EXOSC5: variants seen among roughly 807,000 people sequenced by gnomAD.
EXOSC5 encodes the protein exosome complex component RRP46.
A neutral mutation model predicts 23.7 loss-of-function variants in EXOSC5; 15 were observed. The ratio of observed to expected loss-of-function variants is 0.63; its 90% CI spans 0.42 to 0.97. EXOSC5 has a LOEUF of 0.97. EXOSC5 is among the 50% of genes least tolerant of loss of function. EXOSC5 has a pLI of 0.00. For synonymous variants in EXOSC5, 143 were observed against 140.9 expected, an observed-to-expected ratio of 1.02 and a Z score of -0.11; for missense variants, 305 against 316.3, an observed-to-expected ratio of 0.96 and a Z score of 0.27.
Position 41,397,209 on chromosome 19 carries a change from C to T in EXOSC5, c.120G>A (p.Arg40=), listed in dbSNP as rs942399276. The T allele has an allele frequency of 1.2e-6, 2 of 1,614,078 alleles. No individual in the cohort carries two copies. The highest frequency in any genetic ancestry group is 2.2e-5 in the East Asian group (1 of 44,880). The part of the protein sequence containing the change: ...HFACEQNLLS[R]PDGSASFLQG... ...GCAGGAAGGAAGCAGAGCCATCTGG[C>T]CGCGACAGCAGGTTCTGTTCGCAGG... Residue 40 remains arginine (R), a synonymous_variant, in exon 1 of 6, where the codon CGG becomes CGA. Coordinates refer to ENST00000221233, the MANE Select transcript of EXOSC5 (RefSeq NM_020158.4).
At chr19:41,395,458 C>T (rs2039055144) in intron 1 of EXOSC5, among the ~76,000 whole-genome samples, 1 of 152,222 alleles carries the variant, frequency 6.6e-6, no homozygotes, top group Non-Finnish European at 1.5e-5. Flanking sequence ...CCCCACTTAT[C>T]TGATCCTCTT....
rs2039064971 is a variant in EXOSC5 at position 41,396,430 on chromosome 19, G to A, written c.148+751C>T. Among the ~76,000 whole-genome samples the A allele has an allele frequency of 2.0e-5, 3 of 152,164 alleles. No homozygotes were observed. In the South Asian group the frequency reaches 6.2e-4, roughly 32 times the overall value. ...TCGCCATGTTGGCCAGGCTGGTCTC[G>A]AACTCCTGACCTCAGGTGAGCCACA... On this transcript the variant is annotated intron_variant, in intron 1 of 5. Coordinates refer to ENST00000221233, the MANE Select transcript of EXOSC5 (RefSeq NM_020158.4).
chr19:41,391,918 C>G lies in EXOSC5; in HGVS notation c.307G>C (p.Glu103Gln). Residue 103 changes from glutamate to glutamine, a missense_variant, in exon 3 of 6, where the codon GAG becomes CAG. Coordinates refer to ENST00000221233, the MANE Select transcript of EXOSC5 (RefSeq NM_020158.4). ...TGCAACGTGCCCAGCACCACCGCCT[C>G]GCACGTGTTCCTGATCAGCCGCTCC... The part of the protein sequence containing the change: ...SRERLIRNTC[E>Q]AVVLGTLHPR... 1 of 1,576,986 alleles carries G rather than the reference C, an allele frequency of 6.3e-7. No individual in the cohort carries two copies. Among genetic ancestry groups the G allele is most frequent in the Non-Finnish European group, 8.6e-7 (1 of 1,165,552 alleles).
chr19:41,391,193 C>T (rs1426515842), intron 3 of EXOSC5, among the ~76,000 whole-genome samples: 5 of 152,118 alleles, frequency 3.3e-5, no homozygotes, highest in African/African-American at 9.7e-5. Flanking sequence ...AGCAAAACCC[C>T]GTCTCTACTA....
rs377108451 is a variant in EXOSC5 at position 41,389,794 on chromosome 19, C to T, written c.496G>A (p.Val166Met). The change falls in exon 4 of 6, where the codon GTG (valine) becomes ATG (methionine). Residue 166 changes from valine (V) to methionine (M), a missense_variant. Val to Met is a conservative substitution (Grantham distance 21). Coordinates refer to ENST00000221233, the MANE Select transcript of EXOSC5 (RefSeq NM_020158.4). ...ACALDSDGTL[V>M]LDPTSKQEKE... Reference sequence around the variant, plus strand: ...TCTTGCTTGGATGTAGGATCCAGCACGAGGGTCCCATCAGAGTCCAGGGCG... The same window carrying T: ...TCTTGCTTGGATGTAGGATCCAGCATGAGGGTCCCATCAGAGTCCAGGGCG... The T allele has an allele frequency of 3.7e-5, 60 of 1,613,946 alleles. No homozygotes were observed. The highest frequency in any genetic ancestry group is 3.3e-4 in the Middle Eastern group (2 of 6,084).
chr19:41,395,758 C>T (rs1193423410), intron 1 of EXOSC5, among the ~76,000 whole-genome samples: 1 of 152,190 alleles, frequency 6.6e-6, no homozygotes, highest in Non-Finnish European at 1.5e-5. Flanking sequence ...AGGCCTAGGG[C>T]TTGGTCCTGG....
intron 1 of EXOSC5, among the ~76,000 whole-genome samples, chr19:41,396,656 G>A (rs745354808): frequency 3.2e-5 from 3 of 94,582 alleles, no homozygotes; most frequent in Non-Finnish European, 4.8e-5. Context: ...CTAATCTTAG[G>A]GATATTTACT....
intron 1 of EXOSC5, 91 bp from the exon 2 acceptor site, chr19:41,393,071 C>T (rs1234289799): frequency 1.3e-5 from 12 of 916,446 alleles, no homozygotes; most frequent in South Asian, 1.2e-4. Flanking sequence ...GGGCTCCCCA[C>T]GTCACCCCCG....
At chr19:41,393,652 C>G (rs1314780683) in intron 1 of EXOSC5, among the ~76,000 whole-genome samples, 1 of 151,868 alleles carries the variant, frequency 6.6e-6, no homozygotes. Context: ...CTCTGCCTCC[C>G]GGGTTCAAGC....
chr19:41,389,677 C>T (rs1051136641), intron 4 of EXOSC5, 88 bp downstream of exon 4: 66 of 1,518,926 alleles, frequency 4.3e-5, no homozygotes, highest in East Asian at 1.6e-4. Flanking sequence ...TGGCATGAGC[C>T]GACTGTCTGT....
intron 2 of EXOSC5, 93 bp downstream of exon 2, chr19:41,392,774 G>C (rs2039032944): frequency 9.6e-7 from 1 of 1,041,968 alleles, no homozygotes. Context: ...ACCCAAGCGG[G>C]GAGTGGAGAC....
intron 3 of EXOSC5, among the ~76,000 whole-genome samples, 161 bp from the exon 4 acceptor site, chr19:41,390,066 G>A (rs2039012779): frequency 6.6e-6 from 1 of 151,982 alleles, no homozygotes; most frequent in South Asian, 2.1e-4. Flanking sequence ...CTGAGTAGCT[G>A]GGATTACAGG....
At position 41,397,165 on chromosome 19, in the gene EXOSC5, T is replaced by C. The variant is rs1019375542; in HGVS notation, c.148+16A>G. The stretch of plus-strand genomic sequence containing the variant: ...GTAGTCCCTCTCCAAAAGAAAGACC[T>C]GGGTGAAGTTCTTACCTTGCAGGAA... On this transcript the variant is annotated intron_variant, in intron 1 of 5. Transcript: ENST00000221233. 6.2e-7 allele frequency: 1 copy of C among 1,611,980 alleles called. No homozygotes were observed. Among genetic ancestry groups the C allele is most frequent in the Non-Finnish European group, 8.5e-7 (1 of 1,178,398 alleles).
intron 2 of EXOSC5, 36 bp downstream of exon 2, chr19:41,392,831 T>A (rs1599941471): frequency 6.2e-7 from 1 of 1,601,550 alleles, no homozygotes. Context: ...TTTGACAAAC[T>A]GGGCACCACT....
chr19:41,388,126 G>A (rs1296024300), intron 4 of EXOSC5, among the ~76,000 whole-genome samples: 3 of 152,218 alleles, frequency 2.0e-5, no homozygotes, highest in African/African-American at 7.2e-5. Flanking sequence ...ATAGCCCTCT[G>A]CCTTTCCTTT....
chr19:41,393,096 T>C (rs1028989516), intron 1 of EXOSC5, 116 bp from the exon 2 acceptor site: 20 of 731,026 alleles, frequency 2.7e-5, no homozygotes, highest in Non-Finnish European at 4.5e-5. Context: ...TTGTTGGTAC[T>C]GATTCTTTGA....
At chr19:41,395,660 C>T (rs2039056632) in intron 1 of EXOSC5, among the ~76,000 whole-genome samples, 1 of 152,190 alleles carries the variant, frequency 6.6e-6, no homozygotes, top group Non-Finnish European at 1.5e-5. Flanking sequence ...AGGTCACCAC[C>T]ATCTCCTGGT....
intron 1 of EXOSC5, among the ~76,000 whole-genome samples, chr19:41,394,551 G>A (rs115684433): frequency 1.4e-3 from 211 of 151,894 alleles, no homozygotes; most frequent in African/African-American, 5.0e-3. Context: ...GTTTCCCTCT[G>A]TCACCCAGGA....
At chr19:41,391,342 G>A (rs2039021348) in intron 3 of EXOSC5, among the ~76,000 whole-genome samples, 1 of 152,164 alleles carries the variant, frequency 6.6e-6, no homozygotes, top group Non-Finnish European at 1.5e-5. Context: ...CATCCAGCCT[G>A]GGTGACAGAG....
Sources: gnomAD v4.1 joint callset for allele counts (sites outside exome capture counted in the v4.1 genomes callset) on GRCh38, gnomAD v4.1.1 for gene constraint, MANE v1.5 for transcripts, NCBI Gene and HGNC (gene_info 2026-07-23, HGNC 2026-07-21) for gene names.